TMEM45A: variants seen among roughly 807,000 people sequenced by gnomAD.
The protein encoded by TMEM45A is DNA polymerase-transactivated protein 4.
Under a neutral mutation model 32.0 loss-of-function variants are expected in TMEM45A, and 25 were observed. The observed-to-expected ratio is 0.78, with a 90% CI of 0.57 to 1.09. The LOEUF (loss-of-function observed/expected upper bound fraction) is 1.09, where lower values mean the gene tolerates loss of function less well. Ranked by LOEUF, TMEM45A falls within the 50% of genes least tolerant of loss-of-function variation. The probability of loss-of-function intolerance (pLI) is 0.00; values close to 1 mark genes in which losing one functional copy is unlikely to be tolerated. For missense variants in TMEM45A, 302 were observed against 325.0 expected, an observed-to-expected ratio of 0.93 and a Z score of 0.54; for synonymous variants, 122 against 114.8, an observed-to-expected ratio of 1.06 and a Z score of -0.40.
chr3:100,505,705 A>G (rs1708069889), intron 1 of TMEM45A, among the ~76,000 whole-genome samples: 1 of 152,218 alleles, frequency 6.6e-6, no homozygotes, highest in Non-Finnish European at 1.5e-5. Context: ...CTTTTGCCTG[A>G]CACAACCAAA....
chr3:100,577,056 CT>C lies in TMEM45A; in HGVS notation c.*44del, dbSNP rs1193713318. The C allele has an allele frequency of 2.7e-6, 4 of 1,472,614 alleles. 1 individual carries two copies. The African/African-American group carries it at 4.6e-5, about 17-fold the overall frequency. 91.2% of individuals were successfully genotyped at this position (1,472,614 alleles called of 1,614,324 possible). On this transcript the variant is annotated 3_prime_UTR_variant, in exon 6 of 6. Transcript: ENST00000323523. ...TCCAGTTTTTCTAGATAAACCTTTT[CT>C]TTTTTACATTGTTCTTGGTTTTGTT...
chr3:100,538,729 A>G (rs1340168973), intron 1 of TMEM45A, among the ~76,000 whole-genome samples: 1 of 152,208 alleles, frequency 6.6e-6, no homozygotes, highest in Admixed American at 6.5e-5. Context: ...GTTTTAGGTG[A>G]CAAGATTAAT....
At chr3:100,550,195 TA>T (rs768800338) in intron 1 of TMEM45A, among the ~76,000 whole-genome samples, 2,219 of 133,336 alleles carry the variant, frequency 0.017, 70 homozygotes, top group Admixed American at 0.087. Context: ...TAAAGCATAA[TA>T]AAAAAAAAAA....
At chr3:100,551,882 C>A (rs1278778848) in intron 1 of TMEM45A, among the ~76,000 whole-genome samples, 3 of 152,138 alleles carry the variant, frequency 2.0e-5, no homozygotes, top group African/African-American at 7.2e-5. Context: ...CCACTTTGAT[C>A]AGCTCATATT....
At chr3:100,493,738 T>A (rs760542960) in intron 1 of TMEM45A, among the ~76,000 whole-genome samples, 1 of 152,174 alleles carries the variant, frequency 6.6e-6, no homozygotes. Flanking sequence ...GTAGTTTGTT[T>A]GTTTGTTTTT....
intron 1 of TMEM45A, among the ~76,000 whole-genome samples, chr3:100,500,646 C>T (rs974161136): frequency 1.3e-5 from 2 of 152,242 alleles, no homozygotes; most frequent in African/African-American, 4.8e-5. Context: ...ATCCACCCAT[C>T]ACCGCTTCTG....
chr3:100,573,833 C>A (rs923710592), intron 5 of TMEM45A: 2 of 152,096 alleles, frequency 1.3e-5, no homozygotes, highest in Non-Finnish European at 2.9e-5. Context: ...TTGTCAAAGG[C>A]CTTTTCTGCA....
rs1559650858 is a variant in TMEM45A, at chr3:100,558,389, G to A, written c.404-16G>A. On this transcript the variant is annotated splice_polypyrimidine_tract_variant and intron_variant, in intron 3 of 5. Transcript: ENST00000323523. ...TTGGTTCCACTGAAAAAGACAATCT[G>A]TTTTTTCCCCATCAGCCTTTATCTT... is the stretch of plus-strand genomic sequence containing the variant. 6.2e-7 allele frequency: 1 copy of A among 1,612,244 alleles called. No homozygotes were observed.
chr3:100,514,047 C>A (rs1708216084), intron 1 of TMEM45A, among the ~76,000 whole-genome samples: 1 of 152,206 alleles, frequency 6.6e-6, no homozygotes, highest in Non-Finnish European at 1.5e-5. Context: ...AATGGCCATA[C>A]TGCCCAAGGT....
At chr3:100,548,599 A>G (rs1266498867) in intron 1 of TMEM45A, among the ~76,000 whole-genome samples, 1 of 152,122 alleles carries the variant, frequency 6.6e-6, no homozygotes, top group Non-Finnish European at 1.5e-5. Flanking sequence ...TTCTTAGACA[A>G]AGTCCTCTCC....
At chr3:100,570,309 C>CTA (rs1706532813) in intron 5 of TMEM45A, among the ~76,000 whole-genome samples, 7 of 152,324 alleles carry the variant, frequency 4.6e-5, no homozygotes, top group Non-Finnish European at 1.0e-4. Flanking sequence ...ACATGGACCC[C>CTA]AAGTCACCCC....
At chr3:100,552,813 A>C (rs1367635234) in intron 1 of TMEM45A, among the ~76,000 whole-genome samples, 2 of 152,196 alleles carry the variant, frequency 1.3e-5, no homozygotes, top group African/African-American at 4.8e-5. Context: ...GTGGATAGCC[A>C]GTGGGGAATA....
At chr3:100,494,545 C>T (rs1489930842) in intron 1 of TMEM45A, among the ~76,000 whole-genome samples, 1 of 151,926 alleles carries the variant, frequency 6.6e-6, no homozygotes, top group Non-Finnish European at 1.5e-5. Flanking sequence ...ACTCTTGAAC[C>T]CAAGAGACAG....
intron 1 of TMEM45A, among the ~76,000 whole-genome samples, chr3:100,507,395 A>G (rs1708093083): frequency 6.6e-6 from 1 of 152,240 alleles, no homozygotes; most frequent in Non-Finnish European, 1.5e-5. Flanking sequence ...AATTTGTGGG[A>G]AAGTTCCTAC....
intron 4 of TMEM45A, among the ~76,000 whole-genome samples, 181 bp from the exon 5 acceptor site, chr3:100,568,641 T>G (rs1465201667): frequency 6.6e-6 from 1 of 152,216 alleles, no homozygotes; most frequent in Non-Finnish European, 1.5e-5. Flanking sequence ...TATGAAAATA[T>G]GACATATTAG....
intron 5 of TMEM45A, among the ~76,000 whole-genome samples, chr3:100,569,285 C>T (rs1330105909): frequency 6.6e-6 from 1 of 152,216 alleles, no homozygotes; most frequent in African/African-American, 2.4e-5. Flanking sequence ...CCTCACCCTG[C>T]ACTGCCTATA....
At chr3:100,567,495 A>G (rs1049450356) in intron 4 of TMEM45A, among the ~76,000 whole-genome samples, 12 of 144,714 alleles carry the variant, frequency 8.3e-5, no homozygotes, top group African/African-American at 3.2e-4. Context: ...TATGAGTTAC[A>G]GGATCAGCTT....
At chr3:100,534,777 T>C (rs913002988) in intron 1 of TMEM45A, among the ~76,000 whole-genome samples, 1 of 152,238 alleles carries the variant, frequency 6.6e-6, no homozygotes, top group African/African-American at 2.4e-5. Flanking sequence ...ATTCCATTTC[T>C]GCACTCTACC....
intron 1 of TMEM45A, among the ~76,000 whole-genome samples, chr3:100,527,518 G>A (rs1487403069): frequency 6.6e-6 from 1 of 152,154 alleles, no homozygotes; most frequent in Non-Finnish European, 1.5e-5. Context: ...GAATTGTGAT[G>A]AGGTTGGGAG....
Sources: allele counts gnomAD v4.1 joint callset (sites outside exome capture counted in the v4.1 genomes callset), GRCh38; gene constraint gnomAD v4.1.1; transcripts MANE v1.5; gene names NCBI Gene and HGNC (gene_info 2026-07-23, HGNC 2026-07-21).